The following TMA16 variants were observed in gnomAD, a reference collection of about 807,000 sequenced individuals.
TMA16 encodes the protein translation machinery-associated protein 16.
TMA16 carries 26 observed loss-of-function variants against 27.1 expected under a neutral mutation model. The observed-to-expected ratio is 0.96, with a 90% CI of 0.70 to 1.33. The LOEUF (loss-of-function observed/expected upper bound fraction) is 1.33. Among genes scored for constraint, TMA16 ranks in the 40% most tolerant of loss-of-function variants. TMA16 has a pLI of 0.00. For missense variants in TMA16, 233 were observed against 241.4 expected (o/e 0.97, Z 0.23); for synonymous variants, 71 against 81.9 (o/e 0.87, Z 0.72).
chr4:163,508,709 C>T (rs972090723), intron 2 of TMA16, among the ~76,000 whole-genome samples: 2 of 152,104 alleles, frequency 1.3e-5, no homozygotes, highest in Admixed American at 1.3e-4. Flanking sequence ...ACATATAGTA[C>T]CAGTGGTATG....
At chr4:163,498,786 GC>G (rs1737603038) in intron 1 of TMA16, among the ~76,000 whole-genome samples, 1 of 152,154 alleles carries the variant, frequency 6.6e-6, no homozygotes, top group African/African-American at 2.4e-5. Context: ...CTCCCCAGTA[GC>G]CAAGATTACG....
chr4:163,514,264 C>A, intron 4 of TMA16, 106 bp downstream of exon 4: 1 of 856,702 alleles, frequency 1.2e-6, no homozygotes, highest in Non-Finnish European at 1.7e-6. Context: ...AGCAAATGGG[C>A]TTTGTTATCA....
intron 2 of TMA16, among the ~76,000 whole-genome samples, chr4:163,511,114 A>G (rs1030005665): frequency 2.0e-5 from 3 of 152,176 alleles, no homozygotes; most frequent in Admixed American, 1.3e-4. Context: ...TTTGGTGTAT[A>G]TTTAAGTATA....
chr4:163,495,629 T>A (rs1737539008), intron 1 of TMA16, among the ~76,000 whole-genome samples: 1 of 152,196 alleles, frequency 6.6e-6, no homozygotes, highest in African/African-American at 2.4e-5. Flanking sequence ...CTTTATAAAT[T>A]TTTTTCAATT....
chr4:163,494,717 G>T lies in TMA16; in HGVS notation c.-85G>T, dbSNP rs1409514246. 1.3e-6 allele frequency: 2 copies of T among 1,593,616 alleles called. No homozygotes were observed. Among genetic ancestry groups the T allele is most frequent in the Admixed American group, 3.3e-5 (2 of 59,918 alleles). On this transcript the variant is annotated 5_prime_UTR_variant, in exon 1 of 7. Transcript: ENST00000358572. ...GCGCCACGTGGGATTCGGCCCGGGT[G>T]CTCTTGTGAGCTGCTGCTCCTGCGG...
At chr4:163,495,485 G>A (rs1737536371) in intron 1 of TMA16, among the ~76,000 whole-genome samples, 1 of 152,072 alleles carries the variant, frequency 6.6e-6, no homozygotes, top group Non-Finnish European at 1.5e-5. Flanking sequence ...CATTATCTAA[G>A]TTTTGTATTT....
chr4:163,506,376 G>T (rs1737718518), intron 1 of TMA16, among the ~76,000 whole-genome samples: 1 of 152,142 alleles, frequency 6.6e-6, no homozygotes, highest in African/African-American at 2.4e-5. Context: ...ATGATTCCTA[G>T]ATCATTATAG....
intron 3 of TMA16, among the ~76,000 whole-genome samples, chr4:163,513,557 C>A (rs1737828340): frequency 1.3e-5 from 2 of 152,088 alleles, no homozygotes; most frequent in South Asian, 4.1e-4. Context: ...TACCTGGCAG[C>A]TCTTATATGC....
intron 3 of TMA16, among the ~76,000 whole-genome samples, chr4:163,513,414 G>A (rs139446814): frequency 2.9e-4 from 44 of 152,236 alleles, no homozygotes; most frequent in African/African-American, 1.1e-3. Context: ...GGATCTCATT[G>A]TACAGGGCCG....
chr4:163,494,903 G>C lies in TMA16; in HGVS notation c.3+99G>C. On this transcript the variant is annotated intron_variant, in intron 1 of 6. Transcript: ENST00000358572. ...AGGGTGCGGTTTCGGGAACCTAGGA[G>C]AGGGGAGGATGCAAAGTGTTTATTT... 1.0e-5 allele frequency: 16 copies of C among 1,535,626 alleles called. No individual in the cohort carries two copies. In the South Asian group the frequency reaches 1.8e-4, roughly 17 times the overall value.
Position 163,494,839 on chromosome 4 carries a change from TG to T in TMA16, c.3+37del, listed in dbSNP as rs766604686. The T allele has an allele frequency of 2.5e-6, 4 of 1,609,968 alleles. No homozygotes were observed. The Admixed American group carries it at 5.0e-5, about 20-fold the overall frequency. On this transcript the variant is annotated intron_variant, in intron 1 of 6. Coordinates refer to ENST00000358572, the MANE Select transcript of TMA16 (RefSeq NM_018352.3). The stretch of plus-strand genomic sequence containing the variant: ...CTCCTGCTCCCCCGAACCGCTCGGT[TG>T]GTTCCCCGGAAGGCTCTTGTTGAGC...
chr4:163,498,711 G>A (rs1315819988), intron 1 of TMA16, among the ~76,000 whole-genome samples: 5 of 151,978 alleles, frequency 3.3e-5, no homozygotes, highest in South Asian at 2.1e-4. Context: ...GTCACCTAGC[G>A]TGGCATGTAG....
chr4:163,495,608 A>G (rs1737538569), intron 1 of TMA16, among the ~76,000 whole-genome samples: 1 of 152,190 alleles, frequency 6.6e-6, no homozygotes, highest in African/African-American at 2.4e-5. Context: ...TAATTCTTGC[A>G]TAGAAACATG....
chr4:163,514,960 G>A (rs1386754218), intron 4 of TMA16, among the ~76,000 whole-genome samples: 1 of 151,892 alleles, frequency 6.6e-6, no homozygotes, highest in Non-Finnish European at 1.5e-5. Context: ...TGTTTCCTGA[G>A]ATAGGGAACC....
intron 1 of TMA16, among the ~76,000 whole-genome samples, chr4:163,496,871 C>T (rs537030326): frequency 2.7e-5 from 4 of 145,542 alleles, no homozygotes; most frequent in South Asian, 2.2e-4. Flanking sequence ...AGGCTGGTCT[C>T]GAACTCCTGA....
At chr4:163,498,686 A>T (rs1280925178) in intron 1 of TMA16, among the ~76,000 whole-genome samples, 2 of 151,966 alleles carry the variant, frequency 1.3e-5, no homozygotes, top group African/African-American at 4.8e-5. Context: ...TTTTTTAGAG[A>T]TGGAGTCTCA....
intron 2 of TMA16, among the ~76,000 whole-genome samples, chr4:163,508,333 C>G (rs1367765356): frequency 2.0e-5 from 3 of 152,172 alleles, no homozygotes; most frequent in African/African-American, 7.2e-5. Flanking sequence ...AGGGTTTCCA[C>G]TTCCAACAAG....
intron 1 of TMA16, among the ~76,000 whole-genome samples, chr4:163,496,723 G>C (rs1237396667): frequency 6.6e-6 from 1 of 151,864 alleles, no homozygotes; most frequent in Non-Finnish European, 1.5e-5. Flanking sequence ...TCAGCCTCCC[G>C]AGTAGCTGGG....
At chr4:163,508,500 A>G (rs997853930) in intron 2 of TMA16, among the ~76,000 whole-genome samples, 2 of 152,198 alleles carry the variant, frequency 1.3e-5, no homozygotes, top group Non-Finnish European at 2.9e-5. Context: ...CCTGCTGTAA[A>G]TGGTCTGAGG....
Sources: allele counts gnomAD v4.1 joint callset (sites outside exome capture counted in the v4.1 genomes callset), GRCh38; gene constraint gnomAD v4.1.1; transcripts MANE v1.5; gene names NCBI Gene and HGNC (gene_info 2026-07-23, HGNC 2026-07-21).